Variants in ARL6IP6 observed in about 807,000 individuals in gnomAD.
ARL6IP6 encodes the protein ADP-ribosylation factor-like protein 6-interacting protein 6.
In ARL6IP6, 22 loss-of-function variants were observed where a neutral mutation model predicts 21.5. The observed-to-expected ratio is 1.02, with a 90% CI of 0.73 to 1.46. The LOEUF is 1.46. ARL6IP6 is among the 40% of genes most tolerant of loss of function. The pLI, the probability that ARL6IP6 is intolerant of heterozygous loss-of-function variation, is 0.00. For synonymous variants in ARL6IP6, 164 were observed against 125.3 expected (o/e 1.31, Z -2.06); for missense variants, 388 against 299.8 (o/e 1.29, Z -2.17).
In ARL6IP6 at chr2:152,743,973, C is replaced by T. The variant is rs1700930537; in HGVS notation, c.587+8847C>T. On this transcript the variant is annotated intron_variant, in intron 3 of 3. Transcript: ENST00000326446. ...TTGGAGCATGTCTCAGTTCTTAAAT[C>T]TTCAGTTGACTTCTATGCTAAGAGA... 2.0e-5 allele frequency among the ~76,000 whole-genome samples: 3 copies of T among 152,096 alleles called. No homozygotes were observed. The South Asian group carries it at 6.2e-4, about 32-fold the overall frequency.
At chr2:152,724,109 C>CAAA (rs546002979) in intron 2 of ARL6IP6, among the ~76,000 whole-genome samples, 2 of 74,256 alleles carry the variant, frequency 2.7e-5, no homozygotes, top group Admixed American at 1.5e-4. Flanking sequence ...TGACTAAGGC[C>CAAA]AAAAAAAAAA....
At position 152,718,872 on chromosome 2, in the gene ARL6IP6, T is replaced by C. The variant is rs745895690; in HGVS notation, c.248T>C (p.Leu83Pro). The change falls in exon 1 of 4, where the codon CTG becomes CCG. Residue 83 changes from leucine (L) to proline (P), a missense_variant. By Grantham distance (98) the Leu-to-Pro change is moderately conservative (BLOSUM62 -3). Transcript: ENST00000326446. ...CCGGACGGGAACGGGTCGCCCGTTC[T>C]GCCCGATAAGCGCAATGGTATCTTT... is the stretch of plus-strand genomic sequence containing the variant. Reference protein sequence around the residue: ...LPPDGNGSPVLPDKRNGIFPA... With the variant: ...LPPDGNGSPVPPDKRNGIFPA... The C allele has an allele frequency of 6.2e-6, 10 of 1,613,644 alleles. No homozygotes were observed. Among genetic ancestry groups the C allele is most frequent in the African/African-American group, 1.3e-5 (1 of 74,932 alleles).
intron 2 of ARL6IP6, chr2:152,732,641 A>G (rs1700373450): frequency 4.8e-6 from 2 of 419,466 alleles, no homozygotes; most frequent in Non-Finnish European, 9.4e-6. Context: ...CTATGCATAT[A>G]TAGTAATATG....
intron 3 of ARL6IP6, among the ~76,000 whole-genome samples, chr2:152,746,049 A>G (rs1180940952): frequency 1.1e-5 from 1 of 91,348 alleles, no homozygotes; most frequent in Admixed American, 1.4e-4. Flanking sequence ...ACAGGTTCTC[A>G]CTTTGTTGCC....
At chr2:152,747,569 T>C (rs1341435991) in intron 3 of ARL6IP6, among the ~76,000 whole-genome samples, 2 of 149,508 alleles carry the variant, frequency 1.3e-5, no homozygotes, top group Non-Finnish European at 3.0e-5. Context: ...TTCTCTCTCT[T>C]TTTTTTTTTC....
In ARL6IP6 at chr2:152,749,335, ACG is replaced by A. The variant is rs1701210527; in HGVS notation, c.588-10410_588-10409del. Among the ~76,000 whole-genome samples the A allele has an allele frequency of 2.0e-5, 3 of 149,206 alleles. No individual in the cohort carries two copies. In the South Asian group the frequency reaches 6.4e-4, roughly 32 times the overall value. On this transcript the variant is annotated intron_variant, in intron 3 of 3. Transcript: ENST00000326446. Reference sequence around the variant, plus strand: ...CAAAAACACACACACACACACACACACGCACGCACGCGAGAGAGACCTTTAAT... The same window carrying A: ...CAAAAACACACACACACACACACACACACGCACGCGAGAGAGACCTTTAAT...
At chr2:152,743,443 A>G (rs557050688) in intron 3 of ARL6IP6, among the ~76,000 whole-genome samples, 6 of 152,320 alleles carry the variant, frequency 3.9e-5, no homozygotes, top group African/African-American at 7.2e-5. Context: ...TTAACATTGT[A>G]GGAATGTAAA....
intron 3 of ARL6IP6, among the ~76,000 whole-genome samples, chr2:152,737,599 A>C (rs964546822): frequency 6.6e-6 from 1 of 152,180 alleles, no homozygotes; most frequent in Non-Finnish European, 1.5e-5. Context: ...GTAGAAGGCC[A>C]AGGAGGAACA....
intron 3 of ARL6IP6, among the ~76,000 whole-genome samples, chr2:152,752,586 G>A (rs1701390907): frequency 6.6e-6 from 1 of 152,202 alleles, no homozygotes; most frequent in Non-Finnish European, 1.5e-5. Context: ...CGAGCAAGCG[G>A]CTCAAGGGCC....
At chr2:152,726,909 A>T (rs1700075257) in intron 2 of ARL6IP6, among the ~76,000 whole-genome samples, 1 of 152,246 alleles carries the variant, frequency 6.6e-6, no homozygotes, top group Non-Finnish European at 1.5e-5. Flanking sequence ...CCTTCCAGTC[A>T]TAAAAAAAAA....
Position 152,742,925 on chromosome 2 carries a change from AACTG to A in ARL6IP6, c.587+7804_587+7807del, listed in dbSNP as rs774402820. Among the ~76,000 whole-genome samples the A allele has an allele frequency of 1.2e-4, 19 of 152,352 alleles. 1 individual carries two copies. Among genetic ancestry groups the A allele is most frequent in the East Asian group, 7.7e-4 (4 of 5,190 alleles). On this transcript the variant is annotated intron_variant, in intron 3 of 3. Transcript: ENST00000326446. ...GTAATTTGCAAGTAACATAGTTTGC[AACTG>A]ACTGTTTATTTTTATTCACCATACT...
upstream of ARL6IP6, chr2:152,718,580 G>T (rs367556961): frequency 6.7e-7 from 1 of 1,498,208 alleles, no homozygotes; most frequent in Non-Finnish European, 8.9e-7. Context: ...GGGCGGGGCA[G>T]GTGGGAGAGG....
rs750339096 is a variant in ARL6IP6 at position 152,720,544 on chromosome 2, G to C, written c.412G>C (p.Glu138Gln). 3.1e-6 allele frequency: 5 copies of C among 1,613,816 alleles called. No individual in the cohort carries two copies. Among genetic ancestry groups the C allele is most frequent in the Non-Finnish European group, 4.2e-6 (5 of 1,179,878 alleles). ...AYLIVKELHAENLKNEDDVDT... is the reference protein window; with the variant it reads ...AYLIVKELHAQNLKNEDDVDT... ...CTTTGTATTTGCAGAGTTGCATGCT[G>C]AGAATTTGAAAAATGAAGATGATGT... The change falls in exon 2 of 4, where the codon GAG (glutamate) becomes CAG (glutamine). Residue 138 changes from glutamate (E) to glutamine (Q), a missense_variant. Physicochemically the swap from Glu to Gln is conservative, Grantham distance 29 (BLOSUM62 2). Coordinates refer to ENST00000326446, the MANE Select transcript of ARL6IP6 (RefSeq NM_152522.7).
intron 3 of ARL6IP6, among the ~76,000 whole-genome samples, chr2:152,752,547 G>GA (rs1355275490): frequency 6.6e-6 from 1 of 152,234 alleles, no homozygotes; most frequent in African/African-American, 2.4e-5. Context: ...ATTAAAGTGA[G>GA]AAAGTGCTCC....
At chr2:152,739,095 G>C (rs1700688335) in intron 3 of ARL6IP6, among the ~76,000 whole-genome samples, 1 of 151,780 alleles carries the variant, frequency 6.6e-6, no homozygotes, top group African/African-American at 2.4e-5. Flanking sequence ...CCATTCTCCT[G>C]CCTCAGCCTC....
At chr2:152,751,140 T>A (rs1330073302) in intron 3 of ARL6IP6, among the ~76,000 whole-genome samples, 5 of 152,248 alleles carry the variant, frequency 3.3e-5, no homozygotes, top group African/African-American at 1.2e-4. Flanking sequence ...TAAATAATGC[T>A]GTAGTTTTAC....
chr2:152,736,148 A>G (rs1277439970), intron 3 of ARL6IP6, among the ~76,000 whole-genome samples: 1 of 152,110 alleles, frequency 6.6e-6, no homozygotes, highest in Non-Finnish European at 1.5e-5. Context: ...TGTGTTTTTG[A>G]GGTGGATAAA....
chr2:152,759,921 A>G lies in ARL6IP6; in HGVS notation c.*81A>G. 1 of 1,148,164 alleles carries G rather than the reference A, an allele frequency of 8.7e-7. No individual in the cohort carries two copies. The highest frequency in any genetic ancestry group is 1.3e-6 in the Non-Finnish European group (1 of 765,726). The allele number at this position is 1,148,164 out of a possible 1,614,324, so 71.1% of individuals were successfully genotyped here. ...CAAGAAGGAGCATCACTGTCTACTC[A>G]GAAGACTGAGAAACCTGCTGTTCAT... On this transcript the variant is annotated 3_prime_UTR_variant, in exon 4 of 4. Coordinates refer to ENST00000326446, the MANE Select transcript of ARL6IP6 (RefSeq NM_152522.7).
chr2:152,736,256 G>A (rs1211436095), intron 3 of ARL6IP6, among the ~76,000 whole-genome samples: 1 of 151,996 alleles, frequency 6.6e-6, no homozygotes, highest in South Asian at 2.1e-4. Context: ...TTAATAACAG[G>A]TATAAGTCTA....
Sources: gnomAD v4.1 joint callset for allele counts (sites outside exome capture counted in the v4.1 genomes callset) on GRCh38, gnomAD v4.1.1 for gene constraint, MANE v1.5 for transcripts, NCBI Gene and HGNC (gene_info 2026-07-23, HGNC 2026-07-21) for gene names.